RO60: variants seen among roughly 807,000 people sequenced by gnomAD.
The protein encoded by RO60 is Ro60, Y RNA binding protein.
A neutral mutation model predicts 55.3 loss-of-function variants in RO60; 20 were observed. The observed-to-expected ratio is 0.36, with a 90% CI of 0.25 to 0.53. RO60 has a LOEUF of 0.53. Ranked by LOEUF, RO60 falls within the 20% of genes least tolerant of loss-of-function variation. The pLI is 0.92. For synonymous variants in RO60, 213 were observed against 213.6 expected (o/e 1.00, Z 0.02); for missense variants, 558 against 646.6 (o/e 0.86, Z 1.49).
In RO60 at chr1:193,069,098, A is replaced by G; in HGVS notation, c.44A>G (p.Gln15Arg). 1 of 1,614,086 alleles carries G rather than the reference A, an allele frequency of 6.2e-7. No individual in the cohort carries two copies. The highest frequency in any genetic ancestry group is 1.6e-4 in the Middle Eastern group (1 of 6,062). ...VNQMQPLNEK[Q>R]IANSQDGYVW... ...CAAATGCAGCCACTGAATGAGAAGC[A>G]GATAGCCAATTCTCAGGATGGATAT... The change falls in exon 2 of 9, where the codon CAG (glutamine) becomes CGG (arginine). Residue 15 changes from glutamine (Q) to arginine (R), a missense_variant. Physicochemically the swap from Gln to Arg is conservative, Grantham distance 43. Coordinates refer to ENST00000400968, the MANE Select transcript of RO60 (RefSeq NM_001173524.2).
intron 1 of RO60, among the ~76,000 whole-genome samples, chr1:193,062,440 G>A (rs149970445): frequency 2.0e-5 from 3 of 152,328 alleles, no homozygotes; most frequent in African/African-American, 4.8e-5. Flanking sequence ...TAATAGCAGA[G>A]TTAAGTGCTT....
intron 6 of RO60, among the ~76,000 whole-genome samples, chr1:193,081,896 C>T (rs941967279): frequency 4.6e-5 from 7 of 152,182 alleles, no homozygotes; most frequent in African/African-American, 1.7e-4. Flanking sequence ...GAATAACAAA[C>T]AGATGAATAG....
chr1:193,063,430 T>G (rs997147767), intron 1 of RO60, among the ~76,000 whole-genome samples: 1 of 152,258 alleles, frequency 6.6e-6, no homozygotes, highest in Non-Finnish European at 1.5e-5. Context: ...ATTATTAAGT[T>G]GTAAGTGTTC....
chr1:193,082,351 G>A (rs1327141300), intron 7 of RO60, 52 bp downstream of exon 7: 4 of 1,436,784 alleles, frequency 2.8e-6, no homozygotes, highest in East Asian at 2.3e-5. Context: ...ATAACGTGTA[G>A]AATGATTTTA....
At chr1:193,071,817 C>T (rs1475806540) in intron 2 of RO60, among the ~76,000 whole-genome samples, 6 of 144,690 alleles carry the variant, frequency 4.1e-5, no homozygotes, top group Non-Finnish European at 7.5e-5. Flanking sequence ...TATATATATA[C>T]CTATATACAT....
intron 2 of RO60, among the ~76,000 whole-genome samples, chr1:193,073,223 A>G (rs1673644294): frequency 6.6e-6 from 1 of 152,248 alleles, no homozygotes; most frequent in South Asian, 2.1e-4. Context: ...TTACTCATTT[A>G]AGATGATTTT....
intron 2 of RO60, chr1:193,070,707 A>T (rs1673431229): frequency 3.3e-6 from 1 of 306,886 alleles, no homozygotes; most frequent in Non-Finnish European, 6.9e-6. Context: ...ATGTCCCAGC[A>T]CCTAACATGT....
At chr1:193,083,179 A>G (rs1479833019) in intron 8 of RO60, among the ~76,000 whole-genome samples, 1 of 152,236 alleles carries the variant, frequency 6.6e-6, no homozygotes, top group Admixed American at 6.5e-5. Context: ...GATTACACAC[A>G]TAAAATTTAT....
chr1:193,088,169 T>TTTTTTTC lies in RO60; in HGVS notation c.*3444_*3445insCTTTTTT, dbSNP rs1674703023. On this transcript the variant is annotated 3_prime_UTR_variant, in exon 9 of 9. Coordinates refer to ENST00000400968, the MANE Select transcript of RO60 (RefSeq NM_001173524.2). ...ACTGCACTACCACGCCTGCTTTTTT[T>TTTTTTTC]TTTTTTTTTTTTTTTTTTTTTTTTA... The TTTTTTTC allele has an allele frequency of 7.5e-6, 1 of 133,956 alleles. No individual in the cohort carries two copies. The highest frequency in any genetic ancestry group is 2.0e-4 in the East Asian group (1 of 5,114). The allele number at this position is 133,956 out of a possible 1,614,324, so 8.3% of individuals were successfully genotyped here. A position where few individuals can be genotyped will look rare whatever the true frequency, so the allele number is the denominator to read the frequency against.
Position 193,069,365 on chromosome 1 carries a change from A to G in RO60, c.311A>G (p.Asp104Gly). 1 of 1,614,220 alleles carries G rather than the reference A, an allele frequency of 6.2e-7. No homozygotes were observed. The highest frequency in any genetic ancestry group is 1.1e-5 in the South Asian group (1 of 91,084). Reference sequence around the variant, plus strand: ...CTTGCCATTTGTTCCCAGTGCTCCGACATAAGCACAAAACAAGCAGCATTT... The same window carrying G: ...CTTGCCATTTGTTCCCAGTGCTCCGGCATAAGCACAAAACAAGCAGCATTT... The part of the protein sequence containing the change: ...FALAICSQCS[D>G]ISTKQAAFKA... Residue 104 changes from aspartate to glycine, a missense_variant, in exon 2 of 9, where the codon GAC (aspartate) becomes GGC (glycine). By Grantham distance (94) the Asp-to-Gly change is moderately conservative. Transcript: ENST00000400968.
In RO60 at chr1:193,060,039, C is replaced by T. The variant is rs781414755; in HGVS notation, c.-22+263C>T. The T allele has an allele frequency of 5.9e-6, 8 of 1,345,050 alleles. No homozygotes were observed. In the African/African-American group the frequency reaches 1.2e-4, roughly 20 times the overall value. The allele number at this position is 1,345,050 out of a possible 1,614,324, so 83.3% of individuals were successfully genotyped here. A position where few individuals can be genotyped will look rare whatever the true frequency, so the allele number is the denominator to read the frequency against. Reference sequence around the variant, plus strand: ...CTTTCCGAAGCCGGGACCGCTCCTGCTTGTCGGCATCGCTCCCCACAGGCC... The same window carrying T: ...CTTTCCGAAGCCGGGACCGCTCCTGTTTGTCGGCATCGCTCCCCACAGGCC... On this transcript the variant is annotated intron_variant, in intron 1 of 8. Coordinates refer to ENST00000400968, the MANE Select transcript of RO60 (RefSeq NM_001173524.2).
At chr1:193,066,195 C>A (rs1315065275) in intron 1 of RO60, among the ~76,000 whole-genome samples, 1 of 152,216 alleles carries the variant, frequency 6.6e-6, no homozygotes, top group East Asian at 1.9e-4. Flanking sequence ...ATTCTCATTT[C>A]TTTAAGAAAT....
At chr1:193,078,596 T>C (rs1249788971) in intron 5 of RO60, among the ~76,000 whole-genome samples, 2 of 151,352 alleles carry the variant, frequency 1.3e-5, no homozygotes, top group Non-Finnish European at 2.9e-5. Context: ...CAATGAACAA[T>C]CCAAAAAAAG....
intron 1 of RO60, among the ~76,000 whole-genome samples, chr1:193,066,157 C>A (rs1022530930): frequency 3.9e-5 from 6 of 152,318 alleles, no homozygotes; most frequent in African/African-American, 1.4e-4. Context: ...TGTCAGTAGG[C>A]CAGTCTCAAC....
At chr1:193,081,521 T>C in intron 6 of RO60, 41 bp downstream of exon 6, 1 of 1,135,868 alleles carries the variant, frequency 8.8e-7, no homozygotes, top group Middle Eastern at 2.0e-4. Flanking sequence ...TAAAAACATG[T>C]TTACTGTAGA....
chr1:193,076,425 ATT>A, intron 3 of RO60, 74 bp from the exon 4 acceptor site: 1 of 1,468,972 alleles, frequency 6.8e-7, no homozygotes. Context: ...TATTATGAAT[ATT>A]TTTTTATATA....
Position 193,088,162 on chromosome 1 carries a change from CTT to C in RO60, c.*3461_*3462del, listed in dbSNP as rs145943712. The C allele has an allele frequency of 0.036, 1,612 of 44,238 alleles. 56 individuals are homozygous for C. The highest frequency in any genetic ancestry group is 0.059 in the Middle Eastern group (2 of 34). The allele number at this position is 44,238 out of a possible 1,614,324, so 2.7% of individuals were successfully genotyped here. On this transcript the variant is annotated 3_prime_UTR_variant, in exon 9 of 9. Coordinates refer to ENST00000400968, the MANE Select transcript of RO60 (RefSeq NM_001173524.2). ...GGTGTGCACTGCACTACCACGCCTG[CTT>C]TTTTTTTTTTTTTTTTTTTTTTTTT...
intron 2 of RO60, among the ~76,000 whole-genome samples, chr1:193,074,457 T>C (rs1267986230): frequency 6.6e-6 from 1 of 152,244 alleles, no homozygotes; most frequent in Non-Finnish European, 1.5e-5. Flanking sequence ...TATCTCATTG[T>C]GGTTTTGAAT....
At chr1:193,081,868 T>C (rs986365568) in intron 6 of RO60, among the ~76,000 whole-genome samples, 14 of 152,304 alleles carry the variant, frequency 9.2e-5, no homozygotes, top group African/African-American at 2.6e-4. Flanking sequence ...CTAGAGACTT[T>C]AGTTCTATCC....
Sources: gnomAD v4.1 joint callset for allele counts (sites outside exome capture counted in the v4.1 genomes callset) on GRCh38, gnomAD v4.1.1 for gene constraint, MANE v1.5 for transcripts, NCBI Gene and HGNC (gene_info 2026-07-23, HGNC 2026-07-21) for gene names.